The following TOP3B variants were observed in gnomAD, a reference collection of about 807,000 sequenced individuals.
TOP3B encodes the protein DNA topoisomerase 3-beta-1.
TOP3B carries 45 observed loss-of-function variants against 93.9 expected under a neutral mutation model. The ratio of observed to expected loss-of-function variants is 0.48; its 90% CI spans 0.38 to 0.61. TOP3B has a LOEUF of 0.61. Among genes scored for constraint, TOP3B ranks in the 20% least tolerant of loss-of-function variants. The pLI is 0.00. For missense variants in TOP3B, 750 were observed against 1,156.1 expected, an observed-to-expected ratio of 0.65 and a Z score of 5.09; for synonymous variants, 357 against 472.6, an observed-to-expected ratio of 0.76 and a Z score of 3.17.
intron 13 of TOP3B, 102 bp from the exon 14 acceptor site, chr22:21,960,551 C>T (rs2071130358): frequency 2.0e-6 from 3 of 1,506,284 alleles, no homozygotes; most frequent in East Asian, 2.3e-5. Context: ...CTCAGGCCCT[C>T]TCACTGCTCC....
rs2071211751 is a variant in TOP3B, at chr22:21,962,166, T to G, written c.1525+263A>C. ...CAATCTTCAGCCTTGTGGGCGTTAG[T>G]CGGTGTGTGCACACCCCACAGTGCA... On this transcript the variant is annotated intron_variant, in intron 13 of 17. Coordinates refer to ENST00000357179, the MANE Select transcript of TOP3B (RefSeq NM_001282112.2). 2.1e-6 allele frequency: 3 copies of G among 1,402,650 alleles called. No homozygotes were observed. In the East Asian group the frequency reaches 8.1e-5, roughly 38 times the overall value. 86.9% of individuals were successfully genotyped at this position (1,402,650 alleles called of 1,614,324 possible). A position where few individuals can be genotyped will look rare whatever the true frequency, so the allele number is the denominator to read the frequency against.
rs757263937 is a variant in TOP3B, at chr22:21,967,684, CA to C, written c.770del (p.Leu257TrpfsTer6). ...CAAACACTCTTACTCGGTCCCAGTC[CA>C]AAAGGAGAGATCTGTCTTTGTCAGT... ...VNTDKDRSLLLDWDRVRVFDR... is the reference protein window; with the variant it reads ...VNTDKDRSLLXDWDRVRVFDR... On this transcript the variant is annotated frameshift_variant, in exon 8 of 18. Coordinates refer to ENST00000357179, the MANE Select transcript of TOP3B (RefSeq NM_001282112.2). LOFTEE classifies it high-confidence loss of function. 6.2e-7 allele frequency: 1 copy of C among 1,614,060 alleles called. No individual in the cohort carries two copies. The highest frequency in any genetic ancestry group is 8.5e-7 in the Non-Finnish European group (1 of 1,179,972).
At position 21,960,396 on chromosome 22, in the gene TOP3B, C is replaced by G. The variant is rs2071121446; in HGVS notation, c.1579G>C (p.Val527Leu). ...HINNICQRNY[V>L]TVESGRRLKP... is the part of the protein sequence containing the mutation. ...AGCCGGCGCCCGCTCTCCACCGTGA[C>G]ATAGTTGCGCTGGCAGATGTTGTTG... Residue 527 changes from valine to leucine, a missense_variant, in exon 14 of 18, where the codon GTC becomes CTC. Val to Leu is a conservative substitution (Grantham distance 32). This residue lies in a region of TOP3B where 737 missense variants were observed against 933.7 expected (regional missense o/e 0.79). Coordinates refer to ENST00000357179, the MANE Select transcript of TOP3B (RefSeq NM_001282112.2). 6.2e-7 allele frequency: 1 copy of G among 1,613,636 alleles called. No individual in the cohort carries two copies. Among genetic ancestry groups the G allele is most frequent in the South Asian group, 1.1e-5 (1 of 91,082 alleles).
chr22:21,968,818 G>A, intron 6 of TOP3B, 43 bp from the exon 7 acceptor site: 2 of 1,610,438 alleles, frequency 1.2e-6, no homozygotes, highest in Non-Finnish European at 1.7e-6. Context: ...ATTCACTCAA[G>A]ACACTATTAT....
At position 21,963,219 on chromosome 22, in the gene TOP3B, C is replaced by CCAGCTACT. The variant is rs2071271183; in HGVS notation, c.1205-334_1205-327dup. The CCAGCTACT allele has an allele frequency of 7.8e-6, 2 of 255,036 alleles. No homozygotes were observed. The highest frequency in any genetic ancestry group is 9.6e-5 in the South Asian group (2 of 20,736). 15.8% of individuals were successfully genotyped at this position (255,036 alleles called of 1,614,324 possible). On this transcript the variant is annotated intron_variant, in intron 11 of 17. Coordinates refer to ENST00000357179, the MANE Select transcript of TOP3B (RefSeq NM_001282112.2). The surrounding 1 kb of genome is among the most constrained non-coding windows in gnomAD (Gnocchi z 4.8). ...GGTGTGGTGGTGGGAGCCTGTAATC[C>CCAGCTACT]CAGCTACTCGGGGGGCTGAGGCAGG...
At position 21,965,307 on chromosome 22, in the gene TOP3B, C is replaced by T. The variant is rs1165423427; in HGVS notation, c.921G>A (p.Leu307=). 2.5e-6 allele frequency: 4 copies of T among 1,601,320 alleles called. No homozygotes were observed. The highest frequency in any genetic ancestry group is 2.3e-5 in the East Asian group (1 of 43,854). ...TACCCAGAGAAGAGCTGGCCACACG[C>T]AGCATCTCCACAGTGTTCAGGGCCA... The part of the protein sequence containing the change: ...RPLALNTVEM[L]RVASSSLGMG... Residue 307 remains leucine (L), a synonymous_variant, in exon 9 of 18, where the codon CTG becomes CTA. Transcript: ENST00000357179.
intron 11 of TOP3B, 48 bp from the exon 12 acceptor site, chr22:21,962,941 G>A: frequency 1.3e-6 from 2 of 1,599,324 alleles, no homozygotes; most frequent in South Asian, 1.1e-5. Context: ...GGGGGCTCTG[G>A]CCGTGAGGAG....
Position 21,972,665 on chromosome 22 carries a change from G to C in TOP3B, c.256C>G (p.Pro86Ala). 3 of 1,612,922 alleles carry C rather than the reference G, an allele frequency of 1.9e-6. No homozygotes were observed. In the South Asian group the frequency reaches 3.3e-5, roughly 18 times the overall value. ...VDPAELFSQA[P>A]TEKKEANPKL... ...GGGTTAGCTTCTTTCTTCTCCGTGG[G>C]AGCTTGGCTGAACAGTTCTGCGGGG... Residue 86 changes from proline to alanine, a missense_variant, in exon 4 of 18, where the codon CCC (proline) becomes GCC (alanine). Physicochemically the swap from Pro to Ala is conservative, Grantham distance 27. Coordinates refer to ENST00000357179, the MANE Select transcript of TOP3B (RefSeq NM_001282112.2).
At chr22:21,964,057 G>A (rs2071310089) in intron 10 of TOP3B, 29 bp from the exon 11 acceptor site, 1 of 1,601,594 alleles carries the variant, frequency 6.2e-7, no homozygotes, top group Admixed American at 1.7e-5. Flanking sequence ...AGCAGAGTCT[G>A]TGGCTGGGCT....
At chr22:21,975,892 A>G in intron 1 of TOP3B, 85 bp from the exon 2 acceptor site, 1 of 933,794 alleles carries the variant, frequency 1.1e-6, no homozygotes, top group Non-Finnish European at 1.4e-6. Context: ...AACAAAGAAA[A>G]AACAAGACCA....
rs2071635188 is a variant in TOP3B at position 21,971,453 on chromosome 22, G to A, written c.384+424C>T. The A allele has an allele frequency of 1.3e-5, 4 of 319,342 alleles. No homozygotes were observed. Among genetic ancestry groups the A allele is most frequent in the African/African-American group, 2.2e-5 (1 of 45,740 alleles). The allele number at this position is 319,342 out of a possible 1,614,324, so 19.8% of individuals were successfully genotyped here. The stretch of plus-strand genomic sequence containing the variant: ...TTGGCTGGAGGCAGGAGGCATCCTG[G>A]ATGAGGCAGGAGATGAGCAGAGCGA... On this transcript the variant is annotated intron_variant, in intron 5 of 17. Transcript: ENST00000357179. The surrounding 1 kb of genome is among the most constrained non-coding windows in gnomAD (Gnocchi z 4.6).
At chr22:21,968,424 C>G in intron 7 of TOP3B, 195 bp downstream of exon 7, 2 of 618,104 alleles carry the variant, frequency 3.2e-6, no homozygotes, top group Non-Finnish European at 5.6e-6. Context: ...TCAGCATATA[C>G]AGGCCCAGTC....
Position 21,968,603 on chromosome 22 carries a change from G to A in TOP3B, c.738+16C>T. 1.2e-6 allele frequency: 2 copies of A among 1,613,568 alleles called. No individual in the cohort carries two copies. The highest frequency in any genetic ancestry group is 2.2e-5 in the South Asian group (2 of 91,036). On this transcript the variant is annotated intron_variant, in intron 7 of 17. Transcript: ENST00000357179. ...AACCCAGAAAGCCCCAGCATGAATA[G>A]AGAAAGGCAAGGAACCTTGGCCTGC...
At position 21,967,683 on chromosome 22, in the gene TOP3B, C is replaced by T; in HGVS notation, c.772G>A (p.Asp258Asn). Residue 258 changes from aspartate (D) to asparagine (N), a missense_variant, in exon 8 of 18, where the codon GAC becomes AAC. Coordinates refer to ENST00000357179, the MANE Select transcript of TOP3B (RefSeq NM_001282112.2). ...NTDKDRSLLL[D>N]WDRVRVFDRE... ...TCAAACACTCTTACTCGGTCCCAGT[C>T]CAAAAGGAGAGATCTGTCTTTGTCA... 6.2e-7 allele frequency: 1 copy of T among 1,614,084 alleles called. No individual in the cohort carries two copies. Among genetic ancestry groups the T allele is most frequent in the East Asian group, 2.2e-5 (1 of 44,882 alleles).
intron 4 of TOP3B, 108 bp downstream of exon 4, chr22:21,972,504 C>A (rs1348719746): frequency 2.5e-5 from 20 of 810,998 alleles, no homozygotes; most frequent in Non-Finnish European, 3.8e-5. Flanking sequence ...CTAGCAAAGG[C>A]CCCCCTGTCC....
intron 13 of TOP3B, chr22:21,962,208 C>T: frequency 1.4e-6 from 2 of 1,480,820 alleles, no homozygotes; most frequent in African/African-American, 1.4e-5. Context: ...CACATCTGGG[C>T]CTTCACAGGG....
At chr22:21,958,738 C>T (rs772620773) in intron 16 of TOP3B, 45 bp from the exon 17 acceptor site, 36 of 1,538,748 alleles carry the variant, frequency 2.3e-5, no homozygotes, top group South Asian at 9.8e-5. Flanking sequence ...CTGGGGCCAC[C>T]GACTTGGCAC....
intron 7 of TOP3B, chr22:21,967,969 G>A: frequency 2.1e-6 from 1 of 476,404 alleles, no homozygotes; most frequent in East Asian, 4.0e-5. Context: ...GTGTCCCTAA[G>A]AAGCACCTGA....
chr22:21,972,568 G>T, intron 4 of TOP3B, 44 bp downstream of exon 4: 1 of 1,438,812 alleles, frequency 7.0e-7, no homozygotes, highest in Non-Finnish European at 9.6e-7. Flanking sequence ...GCTGTGGAGG[G>T]TGGGGAGCCC....
Sources: allele counts gnomAD v4.1 joint callset, GRCh38; gene constraint gnomAD v4.1.1; regional missense constraint gnomAD v4.1.1; non-coding constraint Gnocchi (gnomAD v3.1); transcripts MANE v1.5; gene names NCBI Gene and HGNC (gene_info 2026-07-23, HGNC 2026-07-21).